UGGT2: variants seen among roughly 807,000 people sequenced by gnomAD.
UGGT2 encodes the protein UDP-glucose:glycoprotein glucosyltransferase 2.
Under a neutral mutation model 192.1 loss-of-function variants are expected in UGGT2, and 180 were observed. That is an observed-to-expected ratio of 0.94 (90% confidence interval 0.83 to 1.06). UGGT2 has a LOEUF of 1.06. Ranked by LOEUF, UGGT2 falls within the 50% of genes least tolerant of loss-of-function variation. UGGT2 has a pLI of 0.00. For missense variants in UGGT2, 1,849 were observed against 1,795.7 expected (o/e 1.03, Z -0.54); for synonymous variants, 580 against 591.0 (o/e 0.98, Z 0.27).
intron 29 of UGGT2, chr13:95,876,912 C>T (rs1392046624): frequency 9.1e-6 from 1 of 109,890 alleles, no homozygotes; most frequent in African/African-American, 3.6e-5. Context: ...GAGACAGAGT[C>T]TTGCTCTCTG....
At chr13:95,832,642 C>G (rs1014220483) in intron 38 of UGGT2, 2 of 468,814 alleles carry the variant, frequency 4.3e-6, no homozygotes. Context: ...ACAAACACTC[C>G]TTTTACTTTT....
At chr13:95,901,788 G>C (rs945316258) in intron 21 of UGGT2, among the ~76,000 whole-genome samples, 2 of 151,962 alleles carry the variant, frequency 1.3e-5, no homozygotes, top group African/African-American at 2.4e-5. Flanking sequence ...GGACCATGTA[G>C]GCCCTGATCT....
At chr13:95,905,057 C>A (rs1250176521) in intron 20 of UGGT2, among the ~76,000 whole-genome samples, 9 of 151,914 alleles carry the variant, frequency 5.9e-5, no homozygotes, top group Non-Finnish European at 1.3e-4. Flanking sequence ...TGATGATGAG[C>A]ATTTTTTCAT....
At chr13:95,896,842 A>G (rs934155464) in intron 22 of UGGT2, among the ~76,000 whole-genome samples, 3 of 152,100 alleles carry the variant, frequency 2.0e-5, no homozygotes, top group Non-Finnish European at 4.4e-5. Flanking sequence ...AATCTTCTTC[A>G]TAACATTTGA....
chr13:95,892,480 G>T (rs749881639), intron 24 of UGGT2, among the ~76,000 whole-genome samples: 11 of 152,000 alleles, frequency 7.2e-5, no homozygotes, highest in Non-Finnish European at 1.2e-4. Flanking sequence ...CACAGTGACA[G>T]TTAATTAATT....
intron 10 of UGGT2, among the ~76,000 whole-genome samples, chr13:95,974,447 T>C (rs1339264752): frequency 6.6e-6 from 1 of 152,160 alleles, no homozygotes; most frequent in Non-Finnish European, 1.5e-5. Context: ...AGCATGCAGA[T>C]CCATATTAAA....
chr13:95,847,164 A>G (rs1423723345), intron 36 of UGGT2, among the ~76,000 whole-genome samples: 1 of 137,104 alleles, frequency 7.3e-6, no homozygotes, highest in Admixed American at 7.4e-5. Flanking sequence ...AGCAGTTTTT[A>G]GGTTCACAGC....
intron 29 of UGGT2, among the ~76,000 whole-genome samples, chr13:95,872,360 A>G (rs1361271026): frequency 6.6e-6 from 1 of 152,232 alleles, no homozygotes; most frequent in Non-Finnish European, 1.5e-5. Context: ...AAAAAATCAA[A>G]TAATTTAGCC....
intron 24 of UGGT2, among the ~76,000 whole-genome samples, chr13:95,893,357 A>G (rs946984199): frequency 6.6e-6 from 1 of 152,148 alleles, no homozygotes; most frequent in African/African-American, 2.4e-5. Flanking sequence ...ATACATGTAT[A>G]CACACACATC....
intron 31 of UGGT2, 52 bp downstream of exon 31, chr13:95,863,577 C>A (rs1221974491): frequency 6.9e-7 from 1 of 1,459,462 alleles, no homozygotes; most frequent in Non-Finnish European, 9.6e-7. Flanking sequence ...CTTCCACATA[C>A]TAGACTTCTG....
At chr13:95,977,328 C>G (rs970630626) in intron 10 of UGGT2, among the ~76,000 whole-genome samples, 5 of 151,896 alleles carry the variant, frequency 3.3e-5, no homozygotes, top group South Asian at 2.1e-4. Context: ...TATCCAGAAT[C>G]TACAAGGAAC....
chr13:95,820,413 A>G (rs1406571713), intron 38 of UGGT2, among the ~76,000 whole-genome samples: 1 of 152,092 alleles, frequency 6.6e-6, no homozygotes, highest in Non-Finnish European at 1.5e-5. Context: ...CAAAGCTCCT[A>G]ATTCTTTTTA....
At chr13:95,983,736 T>C (rs1164524403) in intron 10 of UGGT2, 68 bp downstream of exon 10, 4 of 1,176,014 alleles carry the variant, frequency 3.4e-6, no homozygotes, top group Non-Finnish European at 4.8e-6. Flanking sequence ...GTATGAATAT[T>C]GAAGATCCAA....
At chr13:96,021,678 T>A (rs193106490) in intron 4 of UGGT2, among the ~76,000 whole-genome samples, 1 of 152,222 alleles carries the variant, frequency 6.6e-6, no homozygotes, top group African/African-American at 2.4e-5. Flanking sequence ...TCCTCAGAAT[T>A]GAAAAGAAGG....
chr13:95,917,365 G>C (rs369668166), intron 20 of UGGT2, among the ~76,000 whole-genome samples: 91 of 152,210 alleles, frequency 6.0e-4, no homozygotes, highest in African/African-American at 2.0e-3. Context: ...CAAATGCTGA[G>C]GGAATTCATC....
intron 14 of UGGT2, 104 bp downstream of exon 14, chr13:95,947,892 G>A (rs1363727012): frequency 1.2e-6 from 1 of 853,758 alleles, no homozygotes; most frequent in Non-Finnish European, 1.9e-6. Flanking sequence ...AGGCACTAGA[G>A]CTAACCATCG....
intron 20 of UGGT2, among the ~76,000 whole-genome samples, chr13:95,910,514 G>A (rs550955182): frequency 9.9e-5 from 15 of 152,264 alleles, no homozygotes; most frequent in East Asian, 1.9e-4. Context: ...AATGGTAAAC[G>A]GATGAATTGA....
At chr13:95,999,337 C>G in intron 5 of UGGT2, 30 bp from the exon 6 acceptor site, 1 of 1,593,388 alleles carries the variant, frequency 6.3e-7, no homozygotes, top group Non-Finnish European at 8.6e-7. Context: ...TTATAAAAAG[C>G]GAAAAGAGTT....
intron 12 of UGGT2, among the ~76,000 whole-genome samples, chr13:95,961,793 T>C (rs1242019353): frequency 6.6e-6 from 1 of 152,178 alleles, no homozygotes; most frequent in East Asian, 1.9e-4. Flanking sequence ...CACATTCTTC[T>C]TACCAGCAGA....
Sources: gnomAD v4.1 joint callset for allele counts (sites outside exome capture counted in the v4.1 genomes callset) on GRCh38, gnomAD v4.1.1 for gene constraint, MANE v1.5 for transcripts, NCBI Gene and HGNC (gene_info 2026-07-23, HGNC 2026-07-21) for gene names.